LIFR: variants seen among roughly 807,000 people sequenced by gnomAD.
LIFR encodes leukemia inhibitory factor receptor.
LIFR carries 84 observed loss-of-function variants against 122.2 expected under a neutral mutation model. The observed-to-expected ratio is 0.69, with a 90% CI of 0.58 to 0.82. The LOEUF is 0.82. Ranked by LOEUF, LIFR falls within the 40% of genes least tolerant of loss-of-function variation. LIFR has a pLI of 0.00. For synonymous variants in LIFR, 422 were observed against 434.7 expected (o/e 0.97, Z 0.36); for missense variants, 1,294 against 1,311.6 (o/e 0.99, Z 0.21).
Position 38,511,867 on chromosome 5 carries a change from A to T in LIFR, c.659T>A (p.Ile220Asn). The change falls in exon 6 of 20, where the codon ATT becomes AAT. Residue 220 changes from isoleucine (I) to asparagine (N), a missense_variant. Physicochemically the swap from Ile to Asn is moderately radical, Grantham distance 149. Transcript: ENST00000453190. The part of the protein sequence containing the change: ...PLECAIHFVE[I>N]RCYIDNLHFS... The stretch of plus-strand genomic sequence containing the variant: ...ATGAAGATTGTCAATGTAGCATCTA[A>T]TTTCCACAAAATGAATGGCACATTC... 1 of 1,614,162 alleles carries T rather than the reference A, an allele frequency of 6.2e-7. No homozygotes were observed. Among genetic ancestry groups the T allele is most frequent in the Non-Finnish European group, 8.5e-7 (1 of 1,179,996 alleles).
At chr5:38,547,757 T>C (rs1747976383) in intron 1 of LIFR, among the ~76,000 whole-genome samples, 1 of 152,214 alleles carries the variant, frequency 6.6e-6, no homozygotes, top group Admixed American at 6.5e-5. Flanking sequence ...AATTTTGTTG[T>C]TGTGTGAACA....
chr5:38,555,968 G>A (rs1405330231), intron 1 of LIFR, among the ~76,000 whole-genome samples: 1 of 152,186 alleles, frequency 6.6e-6, no homozygotes, highest in Non-Finnish European at 1.5e-5. Context: ...CAGAAAGGAC[G>A]AGGAACAGGT....
chr5:38,475,888 T>A lies in LIFR; in HGVS notation c.*5707A>T. The stretch of plus-strand genomic sequence containing the variant: ...ATCTTAAATCTAGGATGTCTATCTA[T>A]CCAGGCCAATCTTTTGCAAGCAATT... On this transcript the variant is annotated 3_prime_UTR_variant, in exon 20 of 20. Coordinates refer to ENST00000453190, the MANE Select transcript of LIFR (RefSeq NM_001127671.2). 5.2e-6 allele frequency: 1 copy of A among 190,732 alleles called. No individual in the cohort carries two copies. Among genetic ancestry groups the A allele is most frequent in the East Asian group, 8.3e-5 (1 of 12,002 alleles). The allele number at this position is 190,732 out of a possible 1,614,324, so 11.8% of individuals were successfully genotyped here.
chr5:38,607,194 C>T (rs369701944), intron 1 of LIFR, among the ~76,000 whole-genome samples: 1 of 152,100 alleles, frequency 6.6e-6, no homozygotes, highest in African/African-American at 2.4e-5. Context: ...TTCTTAGAAT[C>T]GTCTTATATT....
At chr5:38,579,119 T>C (rs1009939569) in intron 1 of LIFR, 7 of 152,212 alleles carry the variant, frequency 4.6e-5, no homozygotes, top group Non-Finnish European at 1.5e-5. Context: ...AAGACTTATG[T>C]TTTATGCATT....
intron 12 of LIFR, among the ~76,000 whole-genome samples, chr5:38,498,591 G>A (rs977170171): frequency 2.0e-5 from 3 of 151,958 alleles, no homozygotes; most frequent in Admixed American, 6.6e-5. Context: ...GGCAAATGGC[G>A]GCACCATCAG....
intron 1 of LIFR, among the ~76,000 whole-genome samples, chr5:38,569,091 C>T (rs1159758419): frequency 1.3e-5 from 2 of 152,228 alleles, no homozygotes; most frequent in Non-Finnish European, 2.9e-5. Context: ...ATCATTATTA[C>T]TGAAGGGGAG....
At chr5:38,530,756 C>T in intron 1 of LIFR, 90 bp from the exon 2 acceptor site, 4 of 1,156,368 alleles carry the variant, frequency 3.5e-6, no homozygotes, top group South Asian at 1.2e-5. Context: ...TAGATTCTGA[C>T]AGATTCTGAA....
In LIFR at chr5:38,482,573, G is replaced by A. The variant is rs750337104; in HGVS notation, c.2670+16C>T. Reference sequence around the variant, plus strand: ...GCCAGCACATCAAAGATAAATATAAGAAAATAAAAGATTACCTCACAGACA... The same window carrying A: ...GCCAGCACATCAAAGATAAATATAAAAAAATAAAAGATTACCTCACAGACA... On this transcript the variant is annotated intron_variant, in intron 19 of 19. Transcript: ENST00000453190. 3.8e-6 allele frequency: 5 copies of A among 1,319,790 alleles called. No homozygotes were observed. The highest frequency in any genetic ancestry group is 5.3e-6 in the Non-Finnish European group (5 of 945,784). The allele number at this position is 1,319,790 out of a possible 1,614,324, so 81.8% of individuals were successfully genotyped here. A position where few individuals can be genotyped will look rare whatever the true frequency, so the allele number is the denominator to read the frequency against.
At chr5:38,502,905 C>T in intron 10 of LIFR, 106 bp from the exon 11 acceptor site, 2 of 555,016 alleles carry the variant, frequency 3.6e-6, no homozygotes, top group Admixed American at 3.6e-5. Flanking sequence ...AAAGCCTTCA[C>T]ATTTGTAACA....
intron 1 of LIFR, among the ~76,000 whole-genome samples, chr5:38,537,170 G>C (rs1747333609): frequency 6.6e-6 from 1 of 152,086 alleles, no homozygotes. Flanking sequence ...ATCCTCCAAA[G>C]GCTCTCCACT....
At chr5:38,598,693 C>G (rs942864115), upstream of LIFR, among the ~76,000 whole-genome samples, 2 of 152,138 alleles carry the variant, frequency 1.3e-5, no homozygotes, top group Non-Finnish European at 2.9e-5. Flanking sequence ...AGCTCCTCCA[C>G]GAGGTCTGCC....
intron 1 of LIFR, among the ~76,000 whole-genome samples, chr5:38,538,532 C>A (rs573514606): frequency 2.6e-5 from 4 of 152,348 alleles, no homozygotes; most frequent in Admixed American, 2.0e-4. Context: ...CCCCTCCAAA[C>A]CTGCTCTCTT....
At chr5:38,581,196 C>T (rs1486713804) in intron 1 of LIFR, among the ~76,000 whole-genome samples, 8 of 152,034 alleles carry the variant, frequency 5.3e-5, no homozygotes, top group Non-Finnish European at 1.0e-4. Context: ...GCATCATTCC[C>T]CTCCTATTAG....
chr5:38,521,884 T>C (rs1415787414), intron 5 of LIFR, among the ~76,000 whole-genome samples: 1 of 152,106 alleles, frequency 6.6e-6, no homozygotes, highest in East Asian at 1.9e-4. Flanking sequence ...CTGATGGTGG[T>C]AGACTAGGCT....
chr5:38,553,138 G>A (rs1748295680), intron 1 of LIFR, among the ~76,000 whole-genome samples: 1 of 152,162 alleles, frequency 6.6e-6, no homozygotes, highest in Non-Finnish European at 1.5e-5. Flanking sequence ...CTGTCCCTCA[G>A]GTATGCAAGG....
chr5:38,606,857 G>A (rs1293943025), intron 1 of LIFR, among the ~76,000 whole-genome samples: 1 of 152,034 alleles, frequency 6.6e-6, no homozygotes, highest in East Asian at 1.9e-4. Flanking sequence ...TGACTTACTT[G>A]TTGGCAAGTG....
At chr5:38,583,642 G>T (rs1749657676) in intron 1 of LIFR, among the ~76,000 whole-genome samples, 1 of 152,152 alleles carries the variant, frequency 6.6e-6, no homozygotes, top group Admixed American at 6.6e-5. Flanking sequence ...AAGGGGTAAA[G>T]AAGCTAAACA....
rs532441112 is a variant in LIFR, at chr5:38,481,622, G to C, written c.3267C>G (p.Asn1089Lys). 5 of 1,614,084 alleles carry C rather than the reference G, an allele frequency of 3.1e-6. No individual in the cohort carries two copies. The highest frequency in any genetic ancestry group is 1.3e-5 in the African/African-American group (1 of 75,036). The change falls in exon 20 of 20, where the codon AAC (asparagine) becomes AAG (lysine). Residue 1089 changes from asparagine (N) to lysine (K), a missense_variant. By Grantham distance (94) the Asn-to-Lys change is moderately conservative (BLOSUM62 0). Coordinates refer to ENST00000453190, the MANE Select transcript of LIFR (RefSeq NM_001127671.2). Reference protein sequence around the residue: ...KSNGGGWSFTNFFQNKPND With the variant: ...KSNGGGWSFTKFFQNKPND ...AATCGTTTGGTTTGTTCTGAAAAAA[G>C]TTTGTAAAGGACCACCCTCCTCCAT...
Sources: allele counts gnomAD v4.1 joint callset (sites outside exome capture counted in the v4.1 genomes callset), GRCh38; gene constraint gnomAD v4.1.1; transcripts MANE v1.5; gene names NCBI Gene and HGNC (gene_info 2026-07-23, HGNC 2026-07-21).